The following ARHGEF10 variants were observed in gnomAD, a reference collection of about 807,000 sequenced individuals.
ARHGEF10 encodes Rho guanine nucleotide exchange factor 10, also known as Rho guanine nucleotide exchange factor (GEF) 10.
In ARHGEF10, 140 loss-of-function variants were observed where a neutral mutation model predicts 147.4. The observed-to-expected ratio is 0.95, with a 90% CI of 0.83 to 1.09. ARHGEF10 has a LOEUF of 1.09. ARHGEF10 is among the 50% of genes least tolerant of loss of function. The pLI is 0.00. For missense variants in ARHGEF10, 2,222 were observed against 1,752.7 expected (o/e 1.27, Z -4.78); for synonymous variants, 902 against 695.8 (o/e 1.30, Z -4.67).
chr8:1,912,110 G>A (rs1413948031), intron 18 of ARHGEF10, among the ~76,000 whole-genome samples: 1 of 152,180 alleles, frequency 6.6e-6, no homozygotes, highest in Non-Finnish European at 1.5e-5. Flanking sequence ...CGGGCAGCGT[G>A]GTAACCACCT....
At chr8:1,921,277 T>G (rs1057316658) in intron 18 of ARHGEF10, among the ~76,000 whole-genome samples, 3 of 152,244 alleles carry the variant, frequency 2.0e-5, no homozygotes, top group African/African-American at 7.2e-5. Context: ...TAGATACCTA[T>G]ATCTGAAATC....
intron 27 of ARHGEF10, among the ~76,000 whole-genome samples, chr8:1,952,254 G>A (rs557099820): frequency 1.3e-5 from 2 of 152,278 alleles, no homozygotes; most frequent in East Asian, 1.9e-4. Flanking sequence ...CCGGTTACTC[G>A]AGTCCAGCCG....
chr8:1,852,149 C>T (rs1393194000), intron 2 of ARHGEF10, among the ~76,000 whole-genome samples: 1 of 152,172 alleles, frequency 6.6e-6, no homozygotes, highest in East Asian at 1.9e-4. Context: ...CTTGGTCACA[C>T]TGGCCACCCC....
chr8:1,858,215 AGTCCCCAGGTGAGTCCCCAGGTGG>A (rs1312863823), intron 3 of ARHGEF10, 100 bp downstream of exon 3: 4 of 1,033,968 alleles, frequency 3.9e-6, no homozygotes, highest in South Asian at 1.7e-5. Context: ...TTCCCAGGTG[AGTCCCCAGGTGAGTCCCCAGGTGG>A]GTCCCCAGGT....
intron 26 of ARHGEF10, among the ~76,000 whole-genome samples, chr8:1,940,032 C>A (rs539515761): frequency 6.6e-6 from 1 of 152,078 alleles, no homozygotes; most frequent in African/African-American, 2.4e-5. Context: ...GGGTGCGAGA[C>A]GCTTGGATAC....
At chr8:1,874,198 T>C (rs946902878) in intron 7 of ARHGEF10, among the ~76,000 whole-genome samples, 4 of 152,204 alleles carry the variant, frequency 2.6e-5, no homozygotes, top group Non-Finnish European at 4.4e-5. Flanking sequence ...CCTTGGAAGT[T>C]CCGTGTTTGC....
At chr8:1,888,520 TGAGGGGTC>T (rs1809003066) in intron 11 of ARHGEF10, among the ~76,000 whole-genome samples, 3 of 87,108 alleles carry the variant, frequency 3.4e-5, no homozygotes, top group African/African-American at 1.2e-4. Flanking sequence ...CTGAGTGGGG[TGAGGGGTC>T]TGTGAGGAGA....
At chr8:1,919,785 G>A (rs1812093208) in intron 18 of ARHGEF10, among the ~76,000 whole-genome samples, 2 of 149,610 alleles carry the variant, frequency 1.3e-5, no homozygotes, top group Admixed American at 6.6e-5. Context: ...ATGGGTGATG[G>A]AGCTGTTCTG....
chr8:1,946,057 G>A (rs1250394740), intron 27 of ARHGEF10: 1 of 365,808 alleles, frequency 2.7e-6, no homozygotes, highest in East Asian at 6.8e-5. Context: ...GGCTGTTGGG[G>A]AGAGGCCAAC....
At chr8:1,943,107 A>T (rs1424648415) in intron 26 of ARHGEF10, among the ~76,000 whole-genome samples, 10 of 152,236 alleles carry the variant, frequency 6.6e-5, no homozygotes, top group Admixed American at 6.5e-4. Context: ...GTAGCTGAGA[A>T]GTTAGCAGAA....
intron 7 of ARHGEF10, chr8:1,876,254 T>G (rs558518536): frequency 4.7e-6 from 2 of 429,086 alleles, no homozygotes; most frequent in Non-Finnish European, 4.3e-6. Context: ...TGTGAAGTTC[T>G]CTAAGGCTGA....
chr8:1,894,031 G>A (rs186044753), intron 12 of ARHGEF10, among the ~76,000 whole-genome samples: 306 of 152,020 alleles, frequency 2.0e-3, no homozygotes, highest in African/African-American at 7.1e-3. Context: ...AATATTAGCC[G>A]GGTGTGGCGG....
Position 1,834,624 on chromosome 8 carries a change from A to AGT in ARHGEF10, c.-47-8726_-47-8725dup, listed in dbSNP as rs1417425871. On this transcript the variant is annotated intron_variant, in intron 1 of 28. Transcript: ENST00000349830. Reference sequence around the variant, plus strand: ...ATCCATCCCCTTTCCGTAAGCATTGAGTGTCCTCACAGACCTCTGGAAACA... The same window carrying AGT: ...ATCCATCCCCTTTCCGTAAGCATTGAGTGTGTCCTCACAGACCTCTGGAAACA... 2.0e-5 allele frequency among the ~76,000 whole-genome samples: 3 copies of AGT among 152,110 alleles called. No individual in the cohort carries two copies. The East Asian group carries it at 5.8e-4, about 29-fold the overall frequency.
At chr8:1,916,773 T>C (rs1811792126) in intron 18 of ARHGEF10, among the ~76,000 whole-genome samples, 2 of 152,184 alleles carry the variant, frequency 1.3e-5, no homozygotes, top group African/African-American at 4.8e-5. Context: ...TTACCCTCTT[T>C]CTCCTGGGAA....
intron 14 of ARHGEF10, 81 bp from the exon 15 acceptor site, chr8:1,898,352 G>C (rs992670335): frequency 2.0e-5 from 24 of 1,221,800 alleles, no homozygotes; most frequent in Non-Finnish European, 2.8e-5. Flanking sequence ...AGTGTTCAGT[G>C]TGGTGGGGAG....
chr8:1,901,507 G>C (rs117986752), intron 15 of ARHGEF10, among the ~76,000 whole-genome samples: 40 of 152,214 alleles, frequency 2.6e-4, no homozygotes, highest in Non-Finnish European at 4.7e-4. Context: ...TGTGACATTT[G>C]TCTTTATCCC....
At chr8:1,859,834 G>A (rs928152120) in intron 3 of ARHGEF10, 63 bp from the exon 4 acceptor site, 2 of 1,581,292 alleles carry the variant, frequency 1.3e-6, no homozygotes, top group Non-Finnish European at 1.7e-6. Flanking sequence ...TTGCGCTCCA[G>A]GAGGGCATGC....
At chr8:1,877,100 C>T (rs897287560) in intron 8 of ARHGEF10, among the ~76,000 whole-genome samples, 1 of 152,264 alleles carries the variant, frequency 6.6e-6, no homozygotes, top group African/African-American at 2.4e-5. Context: ...CCCTAAGACA[C>T]AGCACATCTG....
chr8:1,955,759 C>A (rs1038698042), intron 28 of ARHGEF10, among the ~76,000 whole-genome samples: 2 of 152,264 alleles, frequency 1.3e-5, no homozygotes, highest in African/African-American at 4.8e-5. Context: ...CACATCAAGC[C>A]TCTGTATATT....
Sources: allele counts gnomAD v4.1 joint callset (sites outside exome capture counted in the v4.1 genomes callset), GRCh38; gene constraint gnomAD v4.1.1; transcripts MANE v1.5; gene names NCBI Gene and HGNC (gene_info 2026-07-23, HGNC 2026-07-21).